The following TBR1 variants were observed in gnomAD, a reference collection of about 807,000 sequenced individuals.
TBR1 encodes T-box brain transcription factor 1.
TBR1 carries 7 observed loss-of-function variants against 60.3 expected under a neutral mutation model. That is an observed-to-expected ratio of 0.12 (90% CI 0.07 to 0.22). TBR1 has a LOEUF of 0.22. Among genes scored for constraint, TBR1 ranks in the 10% least tolerant of loss-of-function variants. TBR1 has a pLI of 1.00. For synonymous variants in TBR1, 417 were observed against 409.9 expected, an observed-to-expected ratio of 1.02 and a Z score of -0.21; for missense variants, 616 against 936.8, an observed-to-expected ratio of 0.66 and a Z score of 4.47.
At position 161,416,298 on chromosome 2, in the gene TBR1, T is replaced by C. The variant is rs908651026; in HGVS notation, c.-113T>C. The C allele has an allele frequency of 3.8e-5, 33 of 858,358 alleles. No individual in the cohort carries two copies. The highest frequency in any genetic ancestry group is 7.3e-5 in the Admixed American group (3 of 40,980). 53.2% of individuals were successfully genotyped at this position (858,358 alleles called of 1,614,324 possible). A position where few individuals can be genotyped will look rare whatever the true frequency, so the allele number is the denominator to read the frequency against. On this transcript the variant is annotated 5_prime_UTR_variant, in exon 1 of 6. Coordinates refer to ENST00000389554, the MANE Select transcript of TBR1 (RefSeq NM_006593.4). The surrounding 1 kb of genome is among the most constrained non-coding windows in gnomAD (Gnocchi z 6.1). ...AAGTAAATCAAACCTTTGAGAAGCA[T>C]TTGCTGGTTGAAGTGCTTTCTGTCT...
In TBR1 at chr2:161,423,830, C is replaced by A; in HGVS notation, c.1652C>A (p.Pro551Gln). The A allele has an allele frequency of 6.8e-7, 1 of 1,471,990 alleles. No individual in the cohort carries two copies. The highest frequency in any genetic ancestry group is 9.0e-7 in the Non-Finnish European group (1 of 1,115,484). 91.2% of individuals were successfully genotyped at this position (1,471,990 alleles called of 1,614,324 possible). ...TCGGGCTGGGGCGCCCGCAGTCCCC[C>A]GCAGTACTGCGGCACCAAGTCGGGC... ...DPSGWGARSPPQYCGTKSGSV... is the reference protein window; with the variant it reads ...DPSGWGARSPQQYCGTKSGSV... Residue 551 changes from proline (P) to glutamine (Q), a missense_variant, in exon 6 of 6, where the codon CCG (proline) becomes CAG (glutamine). By Grantham distance (76) the Pro-to-Gln change is moderately conservative. This residue lies in a region of TBR1 where 210 missense variants were observed against 297.4 expected (regional missense o/e 0.71). Transcript: ENST00000389554.
rs754394615 is a variant in TBR1, at chr2:161,423,685, G to A, written c.1507G>A (p.Ala503Thr). ...CTTCGCGGCCTCGGCCTATGACACG[G>A]CCACGGACTTCGCGGGCAACGCGGC... Reference protein sequence around the residue: ...LDFAASAYDTATDFAGNAATL... With the variant: ...LDFAASAYDTTTDFAGNAATL... The change falls in exon 6 of 6, where the codon GCC becomes ACC. Residue 503 changes from alanine to threonine, a missense_variant. Transcript: ENST00000389554. 9.7e-6 allele frequency: 15 copies of A among 1,542,332 alleles called. No individual in the cohort carries two copies. Among genetic ancestry groups the A allele is most frequent in the African/African-American group, 2.8e-5 (2 of 70,652 alleles).
rs1684144552 is a variant in TBR1 at position 161,417,619 on chromosome 2, TTAAC to T, written c.693-56_693-53del. ...GCGCCCCGCTTCTTGCATTTAATCT[TTAAC>T]ATTTATGTTTCTTTTTTCCTTGTTT... On this transcript the variant is annotated intron_variant, in intron 1 of 5. Transcript: ENST00000389554. This position sits in a 1 kb window ranked among gnomAD's most constrained non-coding sequence, Gnocchi z 5.3. 3 of 1,574,126 alleles carry T rather than the reference TTAAC, an allele frequency of 1.9e-6. No homozygotes were observed. Among genetic ancestry groups the T allele is most frequent in the Admixed American group, 3.8e-5 (2 of 52,320 alleles).
At chr2:161,421,687 A>G (rs571532381) in intron 5 of TBR1, 217 of 152,346 alleles carry the variant, frequency 1.4e-3, no homozygotes, top group African/African-American at 5.0e-3. Flanking sequence ...TTTTTAAAAT[A>G]TTGTGGTGAT....
intron 5 of TBR1, chr2:161,422,499 G>A (rs1684248294): frequency 6.6e-6 from 1 of 152,220 alleles, no homozygotes; most frequent in African/African-American, 2.4e-5. Flanking sequence ...CTCCGTAAAG[G>A]TTAGCTATTA....
Position 161,425,218 on chromosome 2 carries a change from A to G in TBR1, c.*991A>G, listed in dbSNP as rs1684302279. On this transcript the variant is annotated 3_prime_UTR_variant, in exon 6 of 6. Transcript: ENST00000389554. ...TGTTTTTCCCCAAAGTGCCAAATCC[A>G]TTACTGGTCTGTGCAGGTGCCAAAT... 6.6e-6 allele frequency: 1 copy of G among 152,202 alleles called. No individual in the cohort carries two copies. The highest frequency in any genetic ancestry group is 2.1e-4 in the South Asian group (1 of 4,820). The allele number at this position is 152,202 out of a possible 1,614,324, so 9.4% of individuals were successfully genotyped here.
At position 161,423,792 on chromosome 2, in the gene TBR1, C is replaced by T. The variant is rs1446715971; in HGVS notation, c.1614C>T (p.Tyr538=). ...AAGCTGRPLG[Y]YADPSGWGAR... Reference sequence around the variant, plus strand: ...GCTGCACTGGCCGCCCGCTCGGCTACTACGCCGACCCGTCGGGCTGGGGCG... The same window carrying T: ...GCTGCACTGGCCGCCCGCTCGGCTATTACGCCGACCCGTCGGGCTGGGGCG... Residue 538 remains tyrosine (Y), a synonymous_variant, in exon 6 of 6, where the codon TAC becomes TAT. Coordinates refer to ENST00000389554, the MANE Select transcript of TBR1 (RefSeq NM_006593.4). 1.3e-5 allele frequency: 19 copies of T among 1,475,654 alleles called. No homozygotes were observed. In the East Asian group the frequency reaches 5.2e-4, roughly 40 times the overall value. The allele number at this position is 1,475,654 out of a possible 1,614,324, so 91.4% of individuals were successfully genotyped here.
At chr2:161,422,702 G>T (rs963148084) in intron 5 of TBR1, 1 of 152,198 alleles carries the variant, frequency 6.6e-6, no homozygotes, top group Non-Finnish European at 1.5e-5. Context: ...AGGTGGGAGT[G>T]AAAGTTTCAC....
intron 3 of TBR1, 112 bp from the exon 4 acceptor site, chr2:161,418,780 G>GGGCTGCA (rs1684177392): frequency 1.4e-6 from 2 of 1,409,654 alleles, no homozygotes; most frequent in East Asian, 5.1e-5. Context: ...CCTGGAAGGC[G>GGGCTGCA]GGCTGCAGGC....
chr2:161,421,853 C>G (rs1259413179), intron 5 of TBR1: 1 of 152,078 alleles, frequency 6.6e-6, no homozygotes, highest in Non-Finnish European at 1.5e-5. Flanking sequence ...CATGCCCCTC[C>G]TCCTCTGGCT....
chr2:161,420,278 C>T, intron 5 of TBR1, 21 bp downstream of exon 5: 3 of 1,603,080 alleles, frequency 1.9e-6, no homozygotes, highest in Non-Finnish European at 2.6e-6. Context: ...TTGTATCTTC[C>T]TTTTCAAATA....
intron 4 of TBR1, 40 bp from the exon 5 acceptor site, chr2:161,420,156 T>A (rs758878063): frequency 1.3e-6 from 2 of 1,558,710 alleles, no homozygotes; most frequent in South Asian, 2.3e-5. Flanking sequence ...AGTCTTCACG[T>A]ATAAAAGGTG....
At position 161,423,899 on chromosome 2, in the gene TBR1, G is replaced by T; in HGVS notation, c.1721G>T (p.Arg574Leu). Residue 574 changes from arginine to leucine, a missense_variant, in exon 6 of 6, where the codon CGC becomes CTC. By Grantham distance (102) the Arg-to-Leu change is moderately radical. Transcript: ENST00000389554. ...CWPNSAAAAA[R>L]MAGANPYLGE... is the part of the protein sequence containing the mutation. ...CCCAACAGCGCCGCGGCCGCCGCGC[G>T]CATGGCCGGCGCCAATCCCTACCTG... 7.3e-7 allele frequency: 1 copy of T among 1,378,264 alleles called. No homozygotes were observed. The highest frequency in any genetic ancestry group is 9.4e-7 in the Non-Finnish European group (1 of 1,069,182). The allele number at this position is 1,378,264 out of a possible 1,614,324, so 85.4% of individuals were successfully genotyped here. A position where few individuals can be genotyped will look rare whatever the true frequency, so the allele number is the denominator to read the frequency against.
In TBR1 at chr2:161,424,274, G is replaced by C; in HGVS notation, c.*47G>C. 1 of 1,492,580 alleles carries C rather than the reference G, an allele frequency of 6.7e-7. No homozygotes were observed. Among genetic ancestry groups the C allele is most frequent in the Non-Finnish European group, 9.0e-7 (1 of 1,112,844 alleles). 92.5% of individuals were successfully genotyped at this position (1,492,580 alleles called of 1,614,324 possible). On this transcript the variant is annotated 3_prime_UTR_variant, in exon 6 of 6. Transcript: ENST00000389554. This position sits in a 1 kb window ranked among gnomAD's most constrained non-coding sequence, Gnocchi z 4.4. Reference sequence around the variant, plus strand: ...CCGCCGCGGCCCGGACCCCCAGCCAGCCCCTCACAGCTCTTCCCCAGCTCC... The same window carrying C: ...CCGCCGCGGCCCGGACCCCCAGCCACCCCCTCACAGCTCTTCCCCAGCTCC...
Position 161,425,607 on chromosome 2 carries a change from A to C in TBR1, c.*1380A>C, listed in dbSNP as rs998788248. On this transcript the variant is annotated 3_prime_UTR_variant, in exon 6 of 6. Coordinates refer to ENST00000389554, the MANE Select transcript of TBR1 (RefSeq NM_006593.4). Reference sequence around the variant, plus strand: ...AACCTATACTTTTTTGTATTTAAAAATTAATGTGAAATATGCATCATACAC... The same window carrying C: ...AACCTATACTTTTTTGTATTTAAAACTTAATGTGAAATATGCATCATACAC... The C allele has an allele frequency of 3.9e-5, 6 of 152,248 alleles. No individual in the cohort carries two copies. Among genetic ancestry groups the C allele is most frequent in the Non-Finnish European group, 8.8e-5 (6 of 68,036 alleles). The allele number at this position is 152,248 out of a possible 1,614,324, so 9.4% of individuals were successfully genotyped here.
rs1684281017 is a variant in TBR1 at position 161,424,053 on chromosome 2, C to G, written c.1875C>G (p.Asp625Glu). The change falls in exon 6 of 6, where the codon GAC becomes GAG. Residue 625 changes from aspartate (D) to glutamate (E), a missense_variant. By Grantham distance (45) the Asp-to-Glu change is conservative (BLOSUM62 2). Transcript: ENST00000389554. The surrounding 1 kb of genome is among the most constrained non-coding windows in gnomAD (Gnocchi z 4.4). ...CGCCCTCCTCGATCAAGTCCATCGA[C>G]TCCAGCGACTCGGGGATTTACGAGC... ...IETPSSIKSI[D>E]SSDSGIYEQA... The G allele has an allele frequency of 6.2e-7, 1 of 1,608,600 alleles. No homozygotes were observed. Among genetic ancestry groups the G allele is most frequent in the Admixed American group, 1.7e-5 (1 of 59,520 alleles).
At chr2:161,420,930 G>A (rs1365914489) in intron 5 of TBR1, 1 of 152,180 alleles carries the variant, frequency 6.6e-6, no homozygotes, top group East Asian at 1.9e-4. Flanking sequence ...TTTCCTCTTT[G>A]TTTTGTATCT....
chr2:161,425,472 A>G lies in TBR1; in HGVS notation c.*1245A>G, dbSNP rs1334412436. 1 of 152,204 alleles carries G rather than the reference A, an allele frequency of 6.6e-6. No homozygotes were observed. The highest frequency in any genetic ancestry group is 1.5e-5 in the Non-Finnish European group (1 of 68,034). 9.4% of individuals were successfully genotyped at this position (152,204 alleles called of 1,614,324 possible). A position where few individuals can be genotyped will look rare whatever the true frequency, so the allele number is the denominator to read the frequency against. On this transcript the variant is annotated 3_prime_UTR_variant, in exon 6 of 6. Coordinates refer to ENST00000389554, the MANE Select transcript of TBR1 (RefSeq NM_006593.4). ...TGAAATTTGACTTCCTTGGGAGAAC[A>G]CTAGCATTAATGCAAGTAAGACTGA...
intron 5 of TBR1, chr2:161,422,060 T>G (rs1316017764): frequency 2.0e-5 from 3 of 152,120 alleles, no homozygotes; most frequent in Admixed American, 6.5e-5. Flanking sequence ...TGGCTCAATT[T>G]TGGAGAAAGA....
Sources: allele counts gnomAD v4.1 joint callset, GRCh38; gene constraint gnomAD v4.1.1; regional missense constraint gnomAD v4.1.1; non-coding constraint Gnocchi (gnomAD v3.1); transcripts MANE v1.5; gene names NCBI Gene and HGNC (gene_info 2026-07-23, HGNC 2026-07-21).